The following GARIN5B variants were observed in gnomAD, a reference collection of about 807,000 sequenced individuals.
The protein encoded by GARIN5B is Golgi-associated RAB2 interactor protein 5B.
the GARIN5B span, chr19:55,361,348 G>A: frequency 6.5e-7 from 1 of 1,541,922 alleles, no homozygotes; most frequent in South Asian, 1.2e-5. Context: ...GCCAAAGGGT[G>A]CAGCTCTGTC....
At chr19:55,356,710 C>T in the GARIN5B span, among the ~76,000 whole-genome samples, 1 of 152,142 alleles carries the variant, frequency 6.6e-6, no homozygotes, top group Non-Finnish European at 1.5e-5. Context: ...CAATGTCATG[C>T]AACCACCTCT....
At chr19:55,356,174 C>T in the GARIN5B span, among the ~76,000 whole-genome samples, 1 of 151,580 alleles carries the variant, frequency 6.6e-6, no homozygotes, top group East Asian at 1.9e-4. Context: ...GAGTTTGAGA[C>T]TAGCCTGGCC....
chr19:55,362,623 C>T, the GARIN5B span: 2 of 1,547,172 alleles, frequency 1.3e-6, no homozygotes, highest in East Asian at 2.4e-5. Flanking sequence ...GGCGGGCTGG[C>T]CGATCAGCAA....
chr19:55,359,813 C>T, the GARIN5B span: 3 of 1,551,260 alleles, frequency 1.9e-6, no homozygotes, highest in African/African-American at 2.7e-5. Context: ...CAAAGTGCTG[C>T]CCCCAGAGTC....
At chr19:55,360,893 G>T in the GARIN5B span, 1 of 1,544,024 alleles carries the variant, frequency 6.5e-7, no homozygotes, top group Non-Finnish European at 8.8e-7. Context: ...CGGGGCGGGG[G>T]TCTGAGTGGG....
chr19:55,359,159 C>G, the GARIN5B span: 2 of 1,551,202 alleles, frequency 1.3e-6, no homozygotes, highest in Non-Finnish European at 1.7e-6. Context: ...TCCAGGAATT[C>G]CTGTTGGCAA....
At chr19:55,358,008 C>G in the GARIN5B span, 25 of 995,920 alleles carry the variant, frequency 2.5e-5, no homozygotes, top group East Asian at 7.3e-4. Context: ...GAGCCAAGAT[C>G]ATACCACCGC....
chr19:55,359,524 AG>A, the GARIN5B span: 1 of 1,547,048 alleles, frequency 6.5e-7, no homozygotes, highest in Non-Finnish European at 8.7e-7. Flanking sequence ...CCTTCCGGGG[AG>A]GAGCTGACGC....
At chr19:55,359,267 G>A in the GARIN5B span, 1 of 1,551,094 alleles carries the variant, frequency 6.4e-7, no homozygotes, top group South Asian at 1.2e-5. Context: ...CTGGGATGGG[G>A]CAGGGAGGAG....
the GARIN5B span, chr19:55,361,197 C>T: frequency 6.5e-5 from 101 of 1,551,284 alleles, 1 homozygote; most frequent in Admixed American, 1.2e-3. Context: ...TGTCTCTGAG[C>T]AGCCACCGTC....
the GARIN5B span, chr19:55,362,902 C>T: frequency 6.7e-7 from 1 of 1,492,016 alleles, no homozygotes; most frequent in Non-Finnish European, 8.9e-7. Flanking sequence ...CCCCGGGGCA[C>T]TGGGAACTGG....
the GARIN5B span, chr19:55,358,268 G>C: frequency 6.4e-7 from 1 of 1,550,876 alleles, no homozygotes; most frequent in East Asian, 2.4e-5. Flanking sequence ...CCCCACAGTG[G>C]CCAGGGGGTG....
the GARIN5B span, chr19:55,358,167 C>T: frequency 2.0e-6 from 3 of 1,504,878 alleles, no homozygotes; most frequent in Non-Finnish European, 2.7e-6. Flanking sequence ...TTCAAGACGC[C>T]CGATTCCTCC....
At chr19:55,360,892 G>A in the GARIN5B span, 1 of 1,543,722 alleles carries the variant, frequency 6.5e-7, no homozygotes, top group South Asian at 1.2e-5. Flanking sequence ...TCGGGGCGGG[G>A]GTCTGAGTGG....
the GARIN5B span, chr19:55,358,828 G>A: frequency 5.8e-6 from 9 of 1,546,606 alleles, no homozygotes; most frequent in East Asian, 4.9e-5. Flanking sequence ...AGGGGCCCTC[G>A]ACGGCCAGTT....
the GARIN5B span, among the ~76,000 whole-genome samples, chr19:55,355,756 C>G: frequency 6.6e-6 from 1 of 152,106 alleles, no homozygotes; most frequent in African/African-American, 2.4e-5. Flanking sequence ...GGGGCAGAGG[C>G]GGGAGGATTG....
At chr19:55,359,159 C>T in the GARIN5B span, 1 of 1,551,202 alleles carries the variant, frequency 6.4e-7, no homozygotes, top group Non-Finnish European at 8.7e-7. Flanking sequence ...TCCAGGAATT[C>T]CTGTTGGCAA....
At chr19:55,361,926 C>A in the GARIN5B span, among the ~76,000 whole-genome samples, 51,908 of 85,692 alleles carry the variant, frequency 0.61, 12,711 homozygotes, top group East Asian at 0.78. Flanking sequence ...GGAGTCCAGG[C>A]CCCCAGTCCC....
At chr19:55,359,446 G>A in the GARIN5B span, 20 of 1,546,574 alleles carry the variant, frequency 1.3e-5, 1 homozygote, top group East Asian at 2.2e-4. Flanking sequence ...GAGCAGGTAT[G>A]GCTGGGGCCT....
Sources: allele counts gnomAD v4.1 joint callset (sites outside exome capture counted in the v4.1 genomes callset), GRCh38; gene constraint gnomAD v4.1.1; transcripts MANE v1.5; gene names NCBI Gene and HGNC (gene_info 2026-07-23, HGNC 2026-07-21).